Variants in PCNX2 observed in about 807,000 individuals in gnomAD.
PCNX2 encodes pecanex-like protein 2.
In PCNX2, 168 loss-of-function variants were observed where a neutral mutation model predicts 223.8. That is an observed-to-expected ratio of 0.75 (90% confidence interval 0.66 to 0.85). The LOEUF is 0.85. PCNX2 is among the 40% of genes least tolerant of loss of function. The pLI is 0.00. For missense variants in PCNX2, 2,507 were observed against 2,675.5 expected, an observed-to-expected ratio of 0.94 and a Z score of 1.39; for synonymous variants, 1,006 against 1,052.6, an observed-to-expected ratio of 0.96 and a Z score of 0.86.
intron 26 of PCNX2, among the ~76,000 whole-genome samples, chr1:233,020,607 C>T (rs762833199): frequency 6.6e-6 from 1 of 152,236 alleles, no homozygotes; most frequent in Admixed American, 6.5e-5. Context: ...GCCAACCTGT[C>T]GGGTTGTTCG....
intron 26 of PCNX2, among the ~76,000 whole-genome samples, chr1:233,019,943 G>A (rs750989693): frequency 6.6e-6 from 1 of 152,170 alleles, no homozygotes; most frequent in Admixed American, 6.5e-5. Flanking sequence ...GTTACAAAGG[G>A]AAGAAAGAAA....
intron 8 of PCNX2, chr1:233,241,509 G>T: frequency 1.9e-6 from 1 of 537,706 alleles, no homozygotes; most frequent in Non-Finnish European, 2.4e-6. Context: ...AAGCCAAAAA[G>T]AAAGGACATG....
intron 5 of PCNX2, among the ~76,000 whole-genome samples, chr1:233,255,507 G>A (rs1031955324): frequency 4.6e-5 from 7 of 152,054 alleles, no homozygotes; most frequent in South Asian, 2.1e-4. Context: ...TCATGTGGGC[G>A]GTCCTCATTT....
chr1:233,297,576 A>C (rs892233716), upstream of PCNX2, among the ~76,000 whole-genome samples: 1 of 152,222 alleles, frequency 6.6e-6, no homozygotes, highest in Admixed American at 6.5e-5. Flanking sequence ...GTAAGTGGGA[A>C]TAGTTCTCCA....
the PCNX2 span, among the ~76,000 whole-genome samples, chr1:233,318,386 G>T: frequency 6.6e-6 from 1 of 151,592 alleles, no homozygotes; most frequent in African/African-American, 2.4e-5. Flanking sequence ...CATTTTTAAG[G>T]TCTTTCTATT....
At chr1:233,057,361 C>G in intron 23 of PCNX2, 71 bp from the exon 24 acceptor site, 1 of 1,226,098 alleles carries the variant, frequency 8.2e-7, no homozygotes, top group South Asian at 1.3e-5. Flanking sequence ...GTTTATAGAA[C>G]CAGCTGCATG....
intron 21 of PCNX2, among the ~76,000 whole-genome samples, chr1:233,097,027 T>C (rs1258003716): frequency 6.6e-6 from 1 of 152,222 alleles, no homozygotes; most frequent in Non-Finnish European, 1.5e-5. Context: ...ATAAATATTC[T>C]GGTTTAGGAG....
chr1:233,122,178 C>T (rs2102738144), intron 21 of PCNX2, among the ~76,000 whole-genome samples: 1 of 151,138 alleles, frequency 6.6e-6, no homozygotes, highest in African/African-American at 2.4e-5. Flanking sequence ...TGGAGAGCTC[C>T]AAGTAGCCAA....
At chr1:233,133,844 A>G (rs1676650326) in intron 21 of PCNX2, among the ~76,000 whole-genome samples, 3 of 152,146 alleles carry the variant, frequency 2.0e-5, no homozygotes. Context: ...TGTGAGTGGC[A>G]TTGTGTTTGT....
intron 9 of PCNX2, among the ~76,000 whole-genome samples, chr1:233,231,956 G>A (rs1389044184): frequency 6.6e-6 from 1 of 152,146 alleles, no homozygotes. Context: ...TGCCTAACCT[G>A]AAGACTTCTC....
intron 1 of PCNX2, among the ~76,000 whole-genome samples, chr1:233,267,961 G>A (rs905651733): frequency 6.6e-6 from 1 of 152,086 alleles, no homozygotes. Flanking sequence ...GTTCAGGCTG[G>A]AGTGCAGTGG....
chr1:233,136,087 T>C (rs1468725760), intron 20 of PCNX2, among the ~76,000 whole-genome samples: 2 of 152,234 alleles, frequency 1.3e-5, no homozygotes, highest in Non-Finnish European at 2.9e-5. Flanking sequence ...CATGCCAGTG[T>C]AGCCCAAGAG....
At chr1:233,246,801 CA>C (rs1349251668) in intron 8 of PCNX2, among the ~76,000 whole-genome samples, 1 of 152,164 alleles carries the variant, frequency 6.6e-6, no homozygotes, top group East Asian at 1.9e-4. Context: ...CCCCCAGGTG[CA>C]CATGAACTCA....
intron 12 of PCNX2, among the ~76,000 whole-genome samples, chr1:233,212,064 A>G (rs73109271): frequency 0.016 from 2,506 of 152,276 alleles, 60 homozygotes; most frequent in African/African-American, 0.056. Context: ...GTTTAATTAA[A>G]CATTATTTTT....
At chr1:232,998,060 A>G (rs966363370) in intron 32 of PCNX2, among the ~76,000 whole-genome samples, 191 bp downstream of exon 32, 2 of 152,234 alleles carry the variant, frequency 1.3e-5, no homozygotes, top group African/African-American at 4.8e-5. Flanking sequence ...GATAAATGGT[A>G]AAAGCTGAAT....
intron 1 of PCNX2, among the ~76,000 whole-genome samples, chr1:233,285,879 T>C (rs1024916917): frequency 6.6e-6 from 1 of 152,248 alleles, no homozygotes; most frequent in Non-Finnish European, 1.5e-5. Context: ...TGGAATACCA[T>C]GCAGACATGA....
At chr1:233,011,743 C>T (rs558870901) in intron 28 of PCNX2, among the ~76,000 whole-genome samples, 169 of 152,344 alleles carry the variant, frequency 1.1e-3, no homozygotes, top group Non-Finnish European at 1.8e-3. Flanking sequence ...AAGTGGCACA[C>T]CCCAACTTCA....
chr1:233,250,477 AT>A, intron 8 of PCNX2: 1 of 819,198 alleles, frequency 1.2e-6, no homozygotes, highest in East Asian at 1.3e-4. Flanking sequence ...GAACATTATT[AT>A]GTTTATACAG....
At chr1:233,042,308 C>T (rs927814890) in intron 25 of PCNX2, among the ~76,000 whole-genome samples, 12 of 152,172 alleles carry the variant, frequency 7.9e-5, no homozygotes, top group African/African-American at 2.9e-4. Flanking sequence ...CTTTGGATTC[C>T]CTCACTTGCC....
Sources: gnomAD v4.1 joint callset for allele counts (sites outside exome capture counted in the v4.1 genomes callset) on GRCh38, gnomAD v4.1.1 for gene constraint, MANE v1.5 for transcripts, NCBI Gene and HGNC (gene_info 2026-07-23, HGNC 2026-07-21) for gene names.